NAALADL2: variants seen among roughly 807,000 people sequenced by gnomAD.
The protein encoded by NAALADL2 is N-acetylated alpha-linked acidic dipeptidase like 2.
A neutral mutation model predicts 87.2 loss-of-function variants in NAALADL2; 76 were observed. That is an observed-to-expected ratio of 0.87 (90% CI 0.72 to 1.05). NAALADL2 has a LOEUF of 1.05. Among genes scored for constraint, NAALADL2 ranks in the 50% least tolerant of loss-of-function variants. NAALADL2 has a pLI of 0.00. For synonymous variants in NAALADL2, 354 were observed against 331.0 expected (o/e 1.07, Z -0.75); for missense variants, 1,089 against 945.8 (o/e 1.15, Z -1.99).
intron 5 of NAALADL2, among the ~76,000 whole-genome samples, chr3:175,388,428 G>A (rs950051610): frequency 1.3e-5 from 2 of 152,046 alleles, no homozygotes; most frequent in African/African-American, 2.4e-5. Context: ...ATTTCAGTAA[G>A]TATACATTTC....
chr3:174,721,103 A>AATAAG (rs58237578), intron 2 of NAALADL2, among the ~76,000 whole-genome samples: 125,372 of 151,598 alleles, frequency 0.83, 52,049 homozygotes, highest in Middle Eastern at 0.89. Context: ...TTAATAATAA[A>AATAAG]ATGAGTACCC....
intron 11 of NAALADL2, among the ~76,000 whole-genome samples, chr3:175,670,302 T>C (rs1192858034): frequency 1.3e-5 from 2 of 151,262 alleles, no homozygotes. Context: ...ACTAACCATA[T>C]AAAGATTTGT....
intron 9 of NAALADL2, among the ~76,000 whole-genome samples, chr3:175,481,335 C>CTG (rs3040504): frequency 0.15 from 21,381 of 143,832 alleles, 1,492 homozygotes; most frequent in Non-Finnish European, 0.17. Context: ...AACAATGCCA[C>CTG]TGTGTGTGTG....
At chr3:175,059,429 G>T in intron 1 of NAALADL2, 1 of 163,776 alleles carries the variant, frequency 6.1e-6, no homozygotes, top group Non-Finnish European at 1.3e-5. Flanking sequence ...CTCCGCCAGT[G>T]TATCTGCTCC....
chr3:174,765,890 C>T (rs1578842120), intron 3 of NAALADL2, among the ~76,000 whole-genome samples: 1 of 152,134 alleles, frequency 6.6e-6, no homozygotes, highest in African/African-American at 2.4e-5. Context: ...CAAGAAAGTC[C>T]ACTTAGTACT....
At chr3:175,512,280 C>A (rs1022376967) in intron 9 of NAALADL2, among the ~76,000 whole-genome samples, 14 of 152,230 alleles carry the variant, frequency 9.2e-5, no homozygotes, top group African/African-American at 3.1e-4. Context: ...GTTTCTTGAA[C>A]TTCTGGAGCA....
At chr3:174,830,389 T>C (rs2030381369) in intron 3 of NAALADL2, among the ~76,000 whole-genome samples, 1 of 152,188 alleles carries the variant, frequency 6.6e-6, no homozygotes, top group Non-Finnish European at 1.5e-5. Context: ...TCATTGCTTG[T>C]TTTTCTCAGG....
intron 10 of NAALADL2, among the ~76,000 whole-genome samples, chr3:175,622,316 C>G (rs1035318642): frequency 6.6e-6 from 1 of 152,044 alleles, no homozygotes; most frequent in South Asian, 2.1e-4. Context: ...TTCTGTGCCT[C>G]TATTCATTCA....
intron 1 of NAALADL2, among the ~76,000 whole-genome samples, chr3:175,061,979 G>T (rs1713588314): frequency 6.6e-6 from 1 of 152,060 alleles, no homozygotes; most frequent in Non-Finnish European, 1.5e-5. Flanking sequence ...TGGATCACAG[G>T]TGCAAGGGAA....
At chr3:174,610,130 G>C (rs1477653942) in intron 2 of NAALADL2, among the ~76,000 whole-genome samples, 1 of 150,470 alleles carries the variant, frequency 6.6e-6, no homozygotes, top group East Asian at 1.9e-4. Context: ...GCTGTAACTG[G>C]ATCCCTTCCT....
At chr3:175,422,129 T>A (rs1347788646) in intron 5 of NAALADL2, among the ~76,000 whole-genome samples, 2 of 151,940 alleles carry the variant, frequency 1.3e-5, no homozygotes, top group African/African-American at 4.8e-5. Flanking sequence ...GATGATTTTT[T>A]AAATTCTTCC....
At chr3:175,634,229 G>A (rs1016085135) in intron 11 of NAALADL2, among the ~76,000 whole-genome samples, 1 of 151,816 alleles carries the variant, frequency 6.6e-6, no homozygotes, top group Non-Finnish European at 1.5e-5. Flanking sequence ...ATCGTCCTTA[G>A]AGTCGATTAA....
intron 1 of NAALADL2, among the ~76,000 whole-genome samples, chr3:175,079,811 C>CGTACAGTTAGTACGTAAACACATGA (rs892714570): frequency 2.6e-5 from 4 of 151,568 alleles, no homozygotes; most frequent in Admixed American, 1.3e-4. Context: ...TGCACACACA[C>CGTACAGTTAGTACGTAAACACATGA]GTACGTAAAC....
Position 175,627,452 on chromosome 3 carries a change from A to G in NAALADL2, c.1896+66A>G, listed in dbSNP as rs536395968. On this transcript the variant is annotated intron_variant, in intron 11 of 13. Coordinates refer to ENST00000454872, the MANE Select transcript of NAALADL2 (RefSeq NM_207015.3). ...GTTCTTCTTTATTGGTAGATGGAGC[A>G]AAGGAACATAACCAATCAAGAGCAA... 143 of 1,028,672 alleles carry G rather than the reference A, an allele frequency of 1.4e-4. No individual in the cohort carries two copies. In the African/African-American group the frequency reaches 2.0e-3, roughly 15 times the overall value. The allele number at this position is 1,028,672 out of a possible 1,614,324, so 63.7% of individuals were successfully genotyped here.
At chr3:175,673,888 A>C (rs1734349016) in intron 11 of NAALADL2, among the ~76,000 whole-genome samples, 1 of 143,738 alleles carries the variant, frequency 7.0e-6, no homozygotes, top group African/African-American at 3.0e-5. Context: ...TGGAAAATAG[A>C]GATAGATAAA....
intron 5 of NAALADL2, among the ~76,000 whole-genome samples, chr3:175,344,358 T>C (rs1762913450): frequency 6.6e-6 from 1 of 151,758 alleles, no homozygotes; most frequent in African/African-American, 2.4e-5. Flanking sequence ...CACAATATGG[T>C]AGAAGTAGAC....
At position 174,609,773 on chromosome 3, in the gene NAALADL2, T is replaced by A. The variant is rs528246965; in HGVS notation, c.-115+59136T>A. ...TTTATAGATTCAATGTCATCCCCATTAAGCTACCAATGACTTTCTTCACAG... is the reference window on the plus strand; with the variant it reads ...TTTATAGATTCAATGTCATCCCCATAAAGCTACCAATGACTTTCTTCACAG... On this transcript the variant is annotated intron_variant, in intron 2 of 3. Coordinates refer to the NAALADL2 transcript ENST00000434257. 6.0e-3 allele frequency among the ~76,000 whole-genome samples: 906 copies of A among 152,232 alleles called. 13 individuals carry two copies. Among genetic ancestry groups the A allele is most frequent in the African/African-American group, 0.021 (858 of 41,532 alleles).
intron 13 of NAALADL2, among the ~76,000 whole-genome samples, chr3:175,791,227 C>A (rs1014093428): frequency 9.2e-5 from 14 of 152,198 alleles, no homozygotes; most frequent in African/African-American, 2.9e-4. Context: ...TGGAAATACA[C>A]TTTTCTATTA....
At chr3:174,561,124 G>A (rs988370484) in intron 2 of NAALADL2, among the ~76,000 whole-genome samples, 9 of 152,050 alleles carry the variant, frequency 5.9e-5, no homozygotes, top group Non-Finnish European at 1.2e-4. Flanking sequence ...CAAGAGCAGG[G>A]TGATCAGTGG....
Sources: allele counts gnomAD v4.1 joint callset (sites outside exome capture counted in the v4.1 genomes callset), GRCh38; gene constraint gnomAD v4.1.1; transcripts MANE v1.5; gene names NCBI Gene and HGNC (gene_info 2026-07-23, HGNC 2026-07-21).